EBPL: variants seen among roughly 807,000 people sequenced by gnomAD.
EBPL encodes EBP like, also known as emopamil-binding protein-like.
EBPL carries 20 observed loss-of-function variants against 19.0 expected under a neutral mutation model. The observed-to-expected ratio is 1.05, with a 90% CI of 0.74 to 1.53. EBPL has a LOEUF of 1.53. Ranked by LOEUF, EBPL falls within the 40% of genes most tolerant of loss-of-function variation. The pLI is 0.00. For synonymous variants in EBPL, 107 were observed against 117.0 expected, an observed-to-expected ratio of 0.91 and a Z score of 0.55; for missense variants, 219 against 261.1, an observed-to-expected ratio of 0.84 and a Z score of 1.11.
chr13:49,685,851 C>G (rs1985130), intron 1 of EBPL, among the ~76,000 whole-genome samples: 6 of 149,022 alleles, frequency 4.0e-5, no homozygotes, highest in Non-Finnish European at 4.5e-5. Context: ...CCAGCCTGGG[C>G]GAGAGAGAGA....
chr13:49,687,476 G>A (rs1467235722), intron 1 of EBPL, among the ~76,000 whole-genome samples: 1 of 152,100 alleles, frequency 6.6e-6, no homozygotes, highest in Non-Finnish European at 1.5e-5. Flanking sequence ...TGCACTGTCT[G>A]GGTCTCTGAG....
intron 2 of EBPL, among the ~76,000 whole-genome samples, chr13:49,666,140 G>A (rs747935797): frequency 4.6e-5 from 7 of 152,212 alleles, no homozygotes; most frequent in Non-Finnish European, 1.0e-4. Context: ...ACGCAGGCAG[G>A]CTTTGCAGTA....
rs774763562 is a variant in EBPL, at chr13:49,661,230, G to T, written c.381-22C>A. 2.5e-6 allele frequency: 4 copies of T among 1,588,702 alleles called. No individual in the cohort carries two copies. The South Asian group carries it at 4.5e-5, about 18-fold the overall frequency. On this transcript the variant is annotated intron_variant, in intron 3 of 3. Transcript: ENST00000242827. ...ATGCCTGTTGGAGAGAAAGAAGCCC[G>T]GGATGAACCACCAGCTTGGCACAGT... is the stretch of plus-strand genomic sequence containing the variant.
In EBPL at chr13:49,678,186, A is replaced by G. The variant is rs540281675; in HGVS notation, c.172-8340T>C. On this transcript the variant is annotated intron_variant, in intron 1 of 3. Transcript: ENST00000242827. Reference sequence around the variant, plus strand: ...TTACGAACCTTGAGCTAGACACAGAATGCTGATTAGTACATTTACAATCCT... The same window carrying G: ...TTACGAACCTTGAGCTAGACACAGAGTGCTGATTAGTACATTTACAATCCT... Among the ~76,000 whole-genome samples, 6 of 152,300 alleles carry G rather than the reference A, an allele frequency of 3.9e-5. No individual in the cohort carries two copies. The South Asian group carries it at 1.2e-3, about 32-fold the overall frequency.
At chr13:49,672,482 CTCTTT>C (rs1017421113) in intron 1 of EBPL, among the ~76,000 whole-genome samples, 4 of 152,188 alleles carry the variant, frequency 2.6e-5, no homozygotes, top group African/African-American at 9.7e-5. Context: ...CCAATTCTTT[CTCTTT>C]TATCTCTGTA....
At chr13:49,665,157 C>T (rs1215395815) in intron 2 of EBPL, among the ~76,000 whole-genome samples, 1 of 149,512 alleles carries the variant, frequency 6.7e-6, no homozygotes, top group Non-Finnish European at 1.5e-5. Flanking sequence ...GTTACCCAGC[C>T]TGGAGTGCAA....
chr13:49,686,233 C>T (rs1467131230), intron 1 of EBPL, among the ~76,000 whole-genome samples: 1 of 152,326 alleles, frequency 6.6e-6, no homozygotes, highest in East Asian at 1.9e-4. Context: ...CACTTTTACC[C>T]TTCTTCGGCC....
chr13:49,691,361 GC>G lies in EBPL; in HGVS notation c.63del (p.Leu22TrpfsTer45). ...AGGCCCAGGGCGCAGCCCGCCGCCAGCAGCGCGGCGCACAGCAGCAGCGAAC... is the reference window on the plus strand; with the variant it reads ...AGGCCCAGGGCGCAGCCCGCCGCCAGAGCGCGGCGCACAGCAGCAGCGAAC... The part of the protein sequence containing the change: ...AGGSLLLCAA[L>X]LAAGCALGLR... On this transcript the variant is annotated frameshift_variant, in exon 1 of 4. Transcript: ENST00000242827. LOFTEE classifies it high-confidence loss of function. The G allele has an allele frequency of 7.4e-7, 1 of 1,359,770 alleles. No homozygotes were observed. Among genetic ancestry groups the G allele is most frequent in the Non-Finnish European group, 9.5e-7 (1 of 1,053,184 alleles). The allele number at this position is 1,359,770 out of a possible 1,614,324, so 84.2% of individuals were successfully genotyped here.
In EBPL at chr13:49,660,784, C is replaced by G; in HGVS notation, c.*184G>C. ...AATTTGTTCTCTTTTCCCTATATCA[C>G]CATTTAATTGAACAACAATACAACG... is the stretch of plus-strand genomic sequence containing the variant. On this transcript the variant is annotated 3_prime_UTR_variant, in exon 4 of 4. Coordinates refer to ENST00000242827, the MANE Select transcript of EBPL (RefSeq NM_032565.5). 3.8e-6 allele frequency: 2 copies of G among 526,964 alleles called. No individual in the cohort carries two copies. The allele number at this position is 526,964 out of a possible 1,614,324, so 32.6% of individuals were successfully genotyped here.
rs184256020 is a variant in EBPL at position 49,671,264 on chromosome 13, A to G, written c.172-1418T>C. Among the ~76,000 whole-genome samples, 426 of 152,270 alleles carry G rather than the reference A, an allele frequency of 2.8e-3. 1 individual carries two copies. Among genetic ancestry groups the G allele is most frequent in the Non-Finnish European group, 4.8e-3 (325 of 68,020 alleles). On this transcript the variant is annotated intron_variant, in intron 1 of 3. Coordinates refer to ENST00000242827, the MANE Select transcript of EBPL (RefSeq NM_032565.5). Reference sequence around the variant, plus strand: ...GCGATTCCAGTGCCTCAGACTCTCAAGTAGCTGGGACCACAGGCGTGTGAC... The same window carrying G: ...GCGATTCCAGTGCCTCAGACTCTCAGGTAGCTGGGACCACAGGCGTGTGAC...
Position 49,691,376 on chromosome 13 carries a change from G to A in EBPL, c.49C>T (p.Leu17=). 2 of 1,362,864 alleles carry A rather than the reference G, an allele frequency of 1.5e-6. No homozygotes were observed. The highest frequency in any genetic ancestry group is 1.9e-6 in the Non-Finnish European group (2 of 1,054,794). The allele number at this position is 1,362,864 out of a possible 1,614,324, so 84.4% of individuals were successfully genotyped here. The part of the protein sequence containing the change: ...LGAEAGGSLL[L]CAALLAAGCA... ...CCCGCCGCCAGCAGCGCGGCGCACA[G>A]CAGCAGCGAACCGCCAGCCTCGGCC... Residue 17 remains leucine, a synonymous_variant, in exon 1 of 4, where the codon CTG becomes TTG. Transcript: ENST00000242827.
chr13:49,682,894 G>A (rs9596171), intron 1 of EBPL, among the ~76,000 whole-genome samples: 23,901 of 151,892 alleles, frequency 0.16, 2,741 homozygotes, highest in East Asian at 0.65. Flanking sequence ...TTCCCCCACC[G>A]CCCCAGGCTC....
chr13:49,666,340 A>G (rs1965226992), intron 2 of EBPL, among the ~76,000 whole-genome samples: 1 of 152,178 alleles, frequency 6.6e-6, no homozygotes, highest in Non-Finnish European at 1.5e-5. Context: ...TATATGTGGA[A>G]GCAGAGTGGG....
Position 49,663,084 on chromosome 13 carries a change from T to C in EBPL, c.353A>G (p.Tyr118Cys), listed in dbSNP as rs1322055563. Residue 118 changes from tyrosine (Y) to cysteine (C), a missense_variant, in exon 3 of 4, where the codon TAT becomes TGT. Around this residue, in one of 2 missense-constraint regions of EBPL, gnomAD observed 170 missense variants for 167.0 expected, o/e 1.02. Coordinates refer to ENST00000242827, the MANE Select transcript of EBPL (RefSeq NM_032565.5). The part of the protein sequence containing the change: ...LDGSLALFLI[Y>C]AIVKEKYYRH... ...GTAATATTTTTCTTTGACTATGGCA[T>C]AAATGAGGAACAATGCCAGAGACCC... 6.2e-7 allele frequency: 1 copy of C among 1,614,134 alleles called. No homozygotes were observed. Among genetic ancestry groups the C allele is most frequent in the Non-Finnish European group, 8.5e-7 (1 of 1,180,026 alleles).
At chr13:49,679,196 C>T (rs1953916155) in intron 1 of EBPL, among the ~76,000 whole-genome samples, 2 of 152,112 alleles carry the variant, frequency 1.3e-5, no homozygotes, top group South Asian at 4.1e-4. Flanking sequence ...ATGAACTGTA[C>T]AGTACTTTCT....
intron 1 of EBPL, among the ~76,000 whole-genome samples, chr13:49,686,779 A>C (rs1954003396): frequency 6.6e-6 from 1 of 151,918 alleles, no homozygotes; most frequent in Admixed American, 6.6e-5. Context: ...TACATTTTTC[A>C]ATTGCCTTCT....
intron 2 of EBPL, among the ~76,000 whole-genome samples, chr13:49,666,552 A>G (rs1434070415): frequency 1.3e-5 from 2 of 151,968 alleles, no homozygotes; most frequent in African/African-American, 2.4e-5. Flanking sequence ...CTCTACTAAA[A>G]ATACAAAAAA....
intron 1 of EBPL, among the ~76,000 whole-genome samples, chr13:49,685,702 G>A (rs556387341): frequency 6.6e-6 from 1 of 152,142 alleles, no homozygotes; most frequent in South Asian, 2.1e-4. Context: ...GTGAAACCGT[G>A]TCTCTACTAA....
intron 1 of EBPL, 97 bp downstream of exon 1, chr13:49,691,157 T>C: frequency 9.0e-7 from 1 of 1,106,000 alleles, no homozygotes; most frequent in Non-Finnish European, 1.1e-6. Flanking sequence ...GGCGGCCAGC[T>C]CGCTGCAAAA....
Sources: allele counts gnomAD v4.1 joint callset (sites outside exome capture counted in the v4.1 genomes callset), GRCh38; gene constraint gnomAD v4.1.1; regional missense constraint gnomAD v4.1.1; transcripts MANE v1.5; gene names NCBI Gene and HGNC (gene_info 2026-07-23, HGNC 2026-07-21).